Variants in EIF4A3 observed in about 807,000 individuals in gnomAD.
EIF4A3 encodes the protein eukaryotic translation initiation factor 4A3.
EIF4A3 carries 1 observed loss-of-function variant against 55.6 expected under a neutral mutation model. The observed-to-expected ratio is 0.02, with a 90% CI of 0.01 to 0.09. The LOEUF is 0.09. Ranked by LOEUF, EIF4A3 falls within the 10% of genes least tolerant of loss-of-function variation. EIF4A3 has a pLI of 1.00. For synonymous variants in EIF4A3, 194 were observed against 196.3 expected (o/e 0.99, Z 0.10); for missense variants, 221 against 540.7 (o/e 0.41, Z 5.86).
chr17:80,143,025 G>A (rs944820892), intron 2 of EIF4A3, among the ~76,000 whole-genome samples: 1 of 152,086 alleles, frequency 6.6e-6, no homozygotes. Flanking sequence ...ACCCTGTCTC[G>A]AAAAATGTAA....
rs760771097 is a variant in EIF4A3, at chr17:80,139,095, A to G, written c.654T>C (p.Ser218=). Residue 218 remains serine (S), a synonymous_variant, in exon 7 of 12, where the codon AGT becomes AGC. Coordinates refer to ENST00000649764, the MANE Select transcript of EIF4A3 (RefSeq NM_014740.4). The part of the protein sequence containing the change: ...LPPATQVVLI[S]ATLPHEILEM... ...CCAGAATCTCGTGTGGCAGCGTGGC[A>G]CTGATGAGAACCACCTGTGTGGCTG... is the stretch of plus-strand genomic sequence containing the variant. 1 of 1,614,124 alleles carries G rather than the reference A, an allele frequency of 6.2e-7. No individual in the cohort carries two copies. Among genetic ancestry groups the G allele is most frequent in the Non-Finnish European group, 8.5e-7 (1 of 1,180,040 alleles).
chr17:80,134,650 CCT>C lies in EIF4A3; in HGVS notation c.*838_*839del, dbSNP rs2039555637. Among the ~76,000 whole-genome samples, 1 of 151,978 alleles carries C rather than the reference CCT, an allele frequency of 6.6e-6. No individual in the cohort carries two copies. The highest frequency in any genetic ancestry group is 1.5e-5 in the Non-Finnish European group (1 of 68,012). ...ACCAGCCTAGGCCACAAAGTGAGAC[CCT>C]GTCTCTACAAAAAATTTAAATATTA... On this transcript the variant is annotated 3_prime_UTR_variant, in exon 12 of 12. Transcript: ENST00000649764.
rs750001091 is a variant in EIF4A3, at chr17:80,136,172, A to G, written c.1092-41T>C. 3.1e-6 allele frequency: 5 copies of G among 1,613,378 alleles called. No homozygotes were observed. The Admixed American group carries it at 5.0e-5, about 16-fold the overall frequency. On this transcript the variant is annotated intron_variant, in intron 10 of 11. Transcript: ENST00000649764. Reference sequence around the variant, plus strand: ...AATATTACAGTTAGTATATATAACAATCAAGATTTAGTAAATGTGTCACAG... The same window carrying G: ...AATATTACAGTTAGTATATATAACAGTCAAGATTTAGTAAATGTGTCACAG...
intron 11 of EIF4A3, 93 bp downstream of exon 11, chr17:80,135,911 A>G (rs956966642): frequency 1.8e-5 from 27 of 1,522,558 alleles, no homozygotes; most frequent in Non-Finnish European, 2.2e-5. Context: ...AAAACAAAAA[A>G]ACCCACAACA....
intron 7 of EIF4A3, 175 bp downstream of exon 7, chr17:80,138,846 G>A (rs2039594574): frequency 1.2e-6 from 1 of 802,112 alleles, no homozygotes; most frequent in African/African-American, 1.7e-5. Context: ...AAAAGAATTT[G>A]CATGCTTTCA....
intron 2 of EIF4A3, among the ~76,000 whole-genome samples, chr17:80,143,304 A>C (rs2039632566): frequency 6.6e-6 from 1 of 152,138 alleles, no homozygotes; most frequent in Non-Finnish European, 1.5e-5. Flanking sequence ...TAAACCACTA[A>C]ATGTGTTTCC....
chr17:80,138,384 C>G (rs554425896), intron 7 of EIF4A3, 104 bp from the exon 8 acceptor site: 1 of 1,444,738 alleles, frequency 6.9e-7, no homozygotes, highest in African/African-American at 1.4e-5. Flanking sequence ...AAGGTCACAC[C>G]GTGATATCTG....
rs2039617247 is a variant in EIF4A3 at position 80,141,367 on chromosome 17, T to C, written c.324A>G (p.Gln108=). 13 of 1,613,746 alleles carry C rather than the reference T, an allele frequency of 8.1e-6. No individual in the cohort carries two copies. The highest frequency in any genetic ancestry group is 4.0e-5 in the African/African-American group (3 of 74,922). The change falls in exon 4 of 12, where the codon CAA becomes CAG. Residue 108 remains glutamine (Q), a synonymous_variant. Transcript: ENST00000649764. The part of the protein sequence containing the change: ...QCLDIQVRET[Q]ALILAPTREL... ...CTCTTGTGGGAGCCAAGATCAAAGC[T>C]TGAGTTTCACGAACCTGGTGAAATA... is the stretch of plus-strand genomic sequence containing the variant.
At position 80,146,825 on chromosome 17, in the gene EIF4A3, C is replaced by A; in HGVS notation, c.137G>T (p.Arg46Leu). ...VTPTFDTMGLREDLLRGIYAY... is the reference protein window; with the variant it reads ...VTPTFDTMGLLEDLLRGIYAY... ...GTAGATGCCCCGCAGCAGGTCCTCCCGCAGGCCCATGGTGTCGAACGTGGG... is the reference window on the plus strand; with the variant it reads ...GTAGATGCCCCGCAGCAGGTCCTCCAGCAGGCCCATGGTGTCGAACGTGGG... Residue 46 changes from arginine (R) to leucine (L), a missense_variant, in exon 1 of 12, where the codon CGG (arginine) becomes CTG (leucine). Arg to Leu is a moderately radical substitution (Grantham distance 102). This residue lies in a region of EIF4A3 where 85 missense variants were observed against 205.8 expected (regional missense o/e 0.41). Transcript: ENST00000649764. 6.2e-7 allele frequency: 1 copy of A among 1,610,884 alleles called. No homozygotes were observed. Among genetic ancestry groups the A allele is most frequent in the Non-Finnish European group, 8.5e-7 (1 of 1,179,090 alleles).
intron 5 of EIF4A3, 119 bp from the exon 6 acceptor site, chr17:80,139,869 CCTT>C: frequency 6.7e-7 from 1 of 1,496,114 alleles, no homozygotes; most frequent in African/African-American, 1.4e-5. Flanking sequence ...GTTCCAGAGA[CCTT>C]CCCTCTACCT....
In EIF4A3 at chr17:80,141,231, T is replaced by A. The variant is rs1292318879; in HGVS notation, c.372+88A>T. The A allele has an allele frequency of 1.2e-5, 16 of 1,370,034 alleles. No individual in the cohort carries two copies. In the Middle Eastern group the frequency reaches 1.1e-3, roughly 95 times the overall value. The allele number at this position is 1,370,034 out of a possible 1,614,324, so 84.9% of individuals were successfully genotyped here. On this transcript the variant is annotated intron_variant, in intron 4 of 11. Coordinates refer to ENST00000649764, the MANE Select transcript of EIF4A3 (RefSeq NM_014740.4). Reference sequence around the variant, plus strand: ...AATTTTGAGGTATCAGAAAACAGGATTGGATTAAATAAATAAGTCGGTGTT... The same window carrying A: ...AATTTTGAGGTATCAGAAAACAGGAATGGATTAAATAAATAAGTCGGTGTT...
In EIF4A3 at chr17:80,138,261, C is replaced by G; in HGVS notation, c.748G>C (p.Gly250Arg). ...ACTGCCACGAAAAATTGCTTGATGC[C>G]TTCCAGAGTCAATTCATCACTGAAG... The part of the protein sequence containing the change: ...LVKRDELTLE[G>R]IKQFFVAVER... Residue 250 changes from glycine (G) to arginine (R), a missense_variant, in exon 8 of 12, where the codon GGC (glycine) becomes CGC (arginine). Around this residue, in one of 4 missense-constraint regions of EIF4A3, gnomAD observed 93 missense variants for 278.5 expected, o/e 0.33. Transcript: ENST00000649764. 2 of 1,613,920 alleles carry G rather than the reference C, an allele frequency of 1.2e-6. No individual in the cohort carries two copies. Among genetic ancestry groups the G allele is most frequent in the Non-Finnish European group, 1.7e-6 (2 of 1,180,024 alleles).
chr17:80,143,843 G>A (rs1400260386), intron 2 of EIF4A3, among the ~76,000 whole-genome samples: 4 of 152,088 alleles, frequency 2.6e-5, no homozygotes, highest in East Asian at 1.9e-4. Context: ...AGTCGGGCAT[G>A]GTGGTGCATG....
intron 4 of EIF4A3, 94 bp from the exon 5 acceptor site, chr17:80,140,234 G>C (rs74003638): frequency 7.5e-7 from 1 of 1,331,608 alleles, no homozygotes; most frequent in Non-Finnish European, 9.8e-7. Context: ...GATGATCACC[G>C]ATTATTATTT....
rs147455705 is a variant in EIF4A3, at chr17:80,142,442, T to C, written c.243-594A>G. 2.5e-3 allele frequency among the ~76,000 whole-genome samples: 377 copies of C among 152,316 alleles called. 1 individual carries two copies. Among genetic ancestry groups the C allele is most frequent in the African/African-American group, 8.8e-3 (364 of 41,576 alleles). Reference sequence around the variant, plus strand: ...GCTCTAATCTTCCCTGCCTTTCAGATTGTGAGTCATAAAGACCCTCATGTC... The same window carrying C: ...GCTCTAATCTTCCCTGCCTTTCAGACTGTGAGTCATAAAGACCCTCATGTC... On this transcript the variant is annotated intron_variant, in intron 2 of 11. Coordinates refer to ENST00000649764, the MANE Select transcript of EIF4A3 (RefSeq NM_014740.4).
rs2039568151 is a variant in EIF4A3 at position 80,136,144 on chromosome 17, A to G, written c.1092-13T>C. 1 of 1,608,604 alleles carries G rather than the reference A, an allele frequency of 6.2e-7. No homozygotes were observed. Among genetic ancestry groups the G allele is most frequent in the African/African-American group, 1.4e-5 (1 of 70,168 alleles). On this transcript the variant is annotated splice_polypyrimidine_tract_variant and intron_variant, in intron 10 of 11. Transcript: ENST00000649764. ...TGATCTCCCAATTCTTCAGGAATAA[A>G]ATAATATTACAGTTAGTATATATAA...
chr17:80,141,866 A>C lies in EIF4A3; in HGVS notation c.243-18T>G. 6.2e-7 allele frequency: 1 copy of C among 1,612,734 alleles called. No individual in the cohort carries two copies. On this transcript the variant is annotated intron_variant, in intron 2 of 11. Coordinates refer to ENST00000649764, the MANE Select transcript of EIF4A3 (RefSeq NM_014740.4). The stretch of plus-strand genomic sequence containing the variant: ...ACTGAGACCTATTCAAGGAAACAAA[A>C]GCAGTGGGATTAGAGGGAGGACAGG...
intron 9 of EIF4A3, 140 bp downstream of exon 9, chr17:80,137,246 G>C: frequency 1.5e-6 from 1 of 657,660 alleles, no homozygotes; most frequent in Non-Finnish European, 2.5e-6. Flanking sequence ...AAGGTTTTCT[G>C]CTCACCCAGG....
intron 5 of EIF4A3, 109 bp downstream of exon 5, chr17:80,139,899 G>A (rs1437675398): frequency 5.9e-6 from 9 of 1,531,160 alleles, no homozygotes; most frequent in South Asian, 1.2e-5. Flanking sequence ...AGTGACCCAG[G>A]TGCAAAAGTC....
Sources: gnomAD v4.1 joint callset for allele counts (sites outside exome capture counted in the v4.1 genomes callset) on GRCh38, gnomAD v4.1.1 for gene constraint, gnomAD v4.1.1 regional missense constraint, MANE v1.5 for transcripts, NCBI Gene and HGNC (gene_info 2026-07-23, HGNC 2026-07-21) for gene names.